The following PLEKHH2 variants were observed in gnomAD, a reference collection of about 807,000 sequenced individuals.
PLEKHH2 encodes pleckstrin homology, MyTH4 and FERM domain containing H2.
PLEKHH2 carries 129 observed loss-of-function variants against 187.9 expected under a neutral mutation model. The ratio of observed to expected loss-of-function variants is 0.69; its 90% CI spans 0.59 to 0.79. The LOEUF is 0.79. Ranked by LOEUF, PLEKHH2 falls within the 30% of genes least tolerant of loss-of-function variation. The pLI is 0.00. For synonymous variants in PLEKHH2, 686 were observed against 605.6 expected (o/e 1.13, Z -1.95); for missense variants, 2,076 against 1,751.2 (o/e 1.19, Z -3.31).
At chr2:43,716,596 T>C (rs1670221393) in intron 15 of PLEKHH2, among the ~76,000 whole-genome samples, 1 of 152,196 alleles carries the variant, frequency 6.6e-6, no homozygotes, top group Non-Finnish European at 1.5e-5. Flanking sequence ...AGAATTTACA[T>C]TGTAGTGAAG....
intron 11 of PLEKHH2, among the ~76,000 whole-genome samples, chr2:43,708,080 G>C (rs1412164906): frequency 1.3e-5 from 2 of 152,174 alleles, no homozygotes; most frequent in African/African-American, 4.8e-5. Context: ...AGCATGGTGT[G>C]TCTGTTGGCT....
At chr2:43,674,890 T>C (rs1051661615) in intron 2 of PLEKHH2, among the ~76,000 whole-genome samples, 3 of 151,652 alleles carry the variant, frequency 2.0e-5, no homozygotes, top group African/African-American at 4.9e-5. Flanking sequence ...TAGGCTGAGA[T>C]AGGAGAATCA....
chr2:43,704,989 C>G (rs934747242), intron 9 of PLEKHH2, among the ~76,000 whole-genome samples: 1 of 151,992 alleles, frequency 6.6e-6, no homozygotes, highest in Non-Finnish European at 1.5e-5. Flanking sequence ...AAAATATAGG[C>G]TTCTATGTCC....
intron 3 of PLEKHH2, among the ~76,000 whole-genome samples, chr2:43,691,925 A>G (rs1434008038): frequency 6.6e-6 from 1 of 152,178 alleles, no homozygotes; most frequent in Non-Finnish European, 1.5e-5. Flanking sequence ...GTTTTCAGTG[A>G]ATATTTGTTA....
At chr2:43,690,423 A>G (rs1320919434) in intron 3 of PLEKHH2, among the ~76,000 whole-genome samples, 1 of 152,032 alleles carries the variant, frequency 6.6e-6, no homozygotes, top group Non-Finnish European at 1.5e-5. Context: ...TTGGCATCTG[A>G]ATTGATTTAC....
Position 43,711,531 on chromosome 2 carries a change from T to A in PLEKHH2, c.2302-694T>A. ...ATTTTGTCATTTGTATTAAGAAACCTCTTCTTTAGTTGCTAAAACTATGCT... is the reference window on the plus strand; with the variant it reads ...ATTTTGTCATTTGTATTAAGAAACCACTTCTTTAGTTGCTAAAACTATGCT... On this transcript the variant is annotated intron_variant, in intron 14 of 29. Transcript: ENST00000282406. The A allele has an allele frequency of 3.1e-6, 3 of 953,924 alleles. No homozygotes were observed. In the South Asian group the frequency reaches 1.5e-4, roughly 46 times the overall value. 59.1% of individuals were successfully genotyped at this position (953,924 alleles called of 1,614,324 possible). A position where few individuals can be genotyped will look rare whatever the true frequency, so the allele number is the denominator to read the frequency against.
chr2:43,737,438 A>C (rs567035723), intron 19 of PLEKHH2, among the ~76,000 whole-genome samples: 1 of 152,200 alleles, frequency 6.6e-6, no homozygotes, highest in South Asian at 2.1e-4. Flanking sequence ...TTTCCCCAAC[A>C]CTTAGTGACT....
At chr2:43,658,325 T>A (rs1309353895) in intron 2 of PLEKHH2, among the ~76,000 whole-genome samples, 1 of 152,256 alleles carries the variant, frequency 6.6e-6, no homozygotes, top group Non-Finnish European at 1.5e-5. Flanking sequence ...CCATTTTTCA[T>A]GTTATGAGCT....
intron 23 of PLEKHH2, chr2:43,744,236 C>G: frequency 1.2e-6 from 1 of 802,920 alleles, no homozygotes; most frequent in Non-Finnish European, 1.7e-6. Context: ...AAATGATACT[C>G]TAAGTATTAG....
intron 2 of PLEKHH2, among the ~76,000 whole-genome samples, chr2:43,673,300 T>A (rs889507564): frequency 6.6e-5 from 10 of 152,224 alleles, no homozygotes; most frequent in Non-Finnish European, 1.0e-4. Context: ...ACTGTAAGGA[T>A]GTACCATTAT....
intron 1 of PLEKHH2, among the ~76,000 whole-genome samples, chr2:43,640,682 C>T (rs1489332832): frequency 6.6e-6 from 1 of 152,158 alleles, no homozygotes; most frequent in African/African-American, 2.4e-5. Context: ...TTTGCATTTT[C>T]TCTCATAGCA....
intron 2 of PLEKHH2, among the ~76,000 whole-genome samples, chr2:43,648,496 G>T (rs193059208): frequency 1.1e-3 from 157 of 149,266 alleles, no homozygotes; most frequent in African/African-American, 3.6e-3. Flanking sequence ...TTTTTTTCCT[G>T]TGTCTTTCTG....
chr2:43,746,173 T>C (rs886084560), intron 24 of PLEKHH2, among the ~76,000 whole-genome samples: 2 of 152,244 alleles, frequency 1.3e-5, no homozygotes, highest in African/African-American at 4.8e-5. Context: ...TAAAGAATTA[T>C]ATTTTATGAA....
At position 43,694,891 on chromosome 2, in the gene PLEKHH2, T is replaced by C. The variant is rs573753563; in HGVS notation, c.421-252T>C. Among the ~76,000 whole-genome samples, 81 of 152,266 alleles carry C rather than the reference T, an allele frequency of 5.3e-4. 1 individual carries two copies. In the South Asian group the frequency reaches 0.016, roughly 30 times the overall value. The stretch of plus-strand genomic sequence containing the variant: ...GAAATCGTTTCCTTTAAAATAATTT[T>C]ACAGTGGAAAAGGCATAAGGGGTGA... On this transcript the variant is annotated intron_variant, in intron 5 of 29. Coordinates refer to ENST00000282406, the MANE Select transcript of PLEKHH2 (RefSeq NM_172069.4).
chr2:43,723,250 G>C (rs1212530699), intron 16 of PLEKHH2, among the ~76,000 whole-genome samples: 1 of 152,056 alleles, frequency 6.6e-6, no homozygotes, highest in South Asian at 2.1e-4. Flanking sequence ...TACTTTCTTA[G>C]GGTTTTTGGC....
chr2:43,666,312 A>G lies in PLEKHH2; in HGVS notation c.124-12551A>G, dbSNP rs573191474. Among the ~76,000 whole-genome samples the G allele has an allele frequency of 8.9e-4, 135 of 151,410 alleles. 3 individuals carry two copies. The highest frequency in any genetic ancestry group is 3.2e-3 in the African/African-American group (130 of 40,714). On this transcript the variant is annotated intron_variant, in intron 2 of 29. Transcript: ENST00000282406. Reference sequence around the variant, plus strand: ...CCCCTTGCGCTTCCCAGGTAAGGCAATGCCTCGCCCTGCTTCGGCTCGCGC... The same window carrying G: ...CCCCTTGCGCTTCCCAGGTAAGGCAGTGCCTCGCCCTGCTTCGGCTCGCGC...
intron 1 of PLEKHH2, 57 bp from the exon 2 acceptor site, chr2:43,644,614 T>C (rs1666099828): frequency 7.6e-7 from 1 of 1,312,136 alleles, no homozygotes; most frequent in Admixed American, 2.3e-5. Context: ...TTAATTGTGT[T>C]GTAGCATTTG....
At chr2:43,676,014 A>T in intron 2 of PLEKHH2, 1 of 1,614,054 alleles carries the variant, frequency 6.2e-7, no homozygotes, top group Non-Finnish European at 8.5e-7. Context: ...TATCATTTTT[A>T]GTATCGTAGA....
rs757864872 is a variant in PLEKHH2 at position 43,692,482 on chromosome 2, C to A, written c.187-32C>A. 7 of 1,513,572 alleles carry A rather than the reference C, an allele frequency of 4.6e-6. No individual in the cohort carries two copies. In the Admixed American group the frequency reaches 1.2e-4, roughly 25 times the overall value. 93.8% of individuals were successfully genotyped at this position (1,513,572 alleles called of 1,614,324 possible). A position where few individuals can be genotyped will look rare whatever the true frequency, so the allele number is the denominator to read the frequency against. ...AATACTGTGATAACCTGAGTACACA[C>A]ACAATTTTAATATTTTATCCTTTGA... On this transcript the variant is annotated intron_variant, in intron 3 of 29. Coordinates refer to ENST00000282406, the MANE Select transcript of PLEKHH2 (RefSeq NM_172069.4).
Sources: gnomAD v4.1 joint callset for allele counts (sites outside exome capture counted in the v4.1 genomes callset) on GRCh38, gnomAD v4.1.1 for gene constraint, MANE v1.5 for transcripts, NCBI Gene and HGNC (gene_info 2026-07-23, HGNC 2026-07-21) for gene names.